The following SULF2 variants were observed in gnomAD, a reference collection of about 807,000 sequenced individuals.
SULF2 encodes the protein sulfatase 2, also known as extracellular sulfatase Sulf-2.
Under a neutral mutation model 107.7 loss-of-function variants are expected in SULF2, and 52 were observed. That is an observed-to-expected ratio of 0.48 (90% CI 0.39 to 0.61). The LOEUF is 0.61. SULF2 is among the 20% of genes least tolerant of loss of function. The pLI is 0.00. For synonymous variants in SULF2, 460 were observed against 464.3 expected (o/e 0.99, Z 0.12); for missense variants, 993 against 1,177.3 (o/e 0.84, Z 2.29).
In SULF2 at chr20:47,684,516, A is replaced by G; in HGVS notation, c.803T>C (p.Met268Thr). 4 of 1,614,096 alleles carry G rather than the reference A, an allele frequency of 2.5e-6. No individual in the cohort carries two copies. Among genetic ancestry groups the G allele is most frequent in the Non-Finnish European group, 3.4e-6 (4 of 1,179,974 alleles). ...KHWIMRYTGP[M>T]KPIHMEFTNM... ...GGTGAATTCCATGTGGATGGGCTTC[A>G]TGGGCCCCGTGTAGCGCATGATCCA... The change falls in exon 6 of 21, where the codon ATG becomes ACG. Residue 268 changes from methionine (M) to threonine (T), a missense_variant. Met to Thr is a moderately conservative substitution (Grantham distance 81). Transcript: ENST00000688720.
In SULF2 at chr20:47,736,893, C is replaced by T; in HGVS notation, c.225G>A (p.Gly75=). The T allele has an allele frequency of 6.2e-7, 1 of 1,614,246 alleles. No homozygotes were observed. Among genetic ancestry groups the T allele is most frequent in the Non-Finnish European group, 8.5e-7 (1 of 1,180,034 alleles). The change falls in exon 3 of 21, where the codon GGG becomes GGA. Residue 75 remains glycine (G), a synonymous_variant. Coordinates refer to ENST00000688720, the MANE Select transcript of SULF2 (RefSeq NM_001387048.1). Reference sequence around the variant, plus strand: ...TCACGAAGGCGTTGATGAAGTGCGCCCCGCCCTGCTCCATGATGCGCCGGG... The same window carrying T: ...TCACGAAGGCGTTGATGAAGTGCGCTCCGCCCTGCTCCATGATGCGCCGGG... ...NKTRRIMEQG[G]AHFINAFVTT...
chr20:47,740,643 A>AAGC (rs2089855702), intron 2 of SULF2, among the ~76,000 whole-genome samples: 1 of 151,798 alleles, frequency 6.6e-6, no homozygotes, highest in African/African-American at 2.4e-5. Context: ...AATCCTCTTA[A>AAGC]AACAACAACA....
At chr20:47,752,566 A>T (rs1350056937) in intron 2 of SULF2, among the ~76,000 whole-genome samples, 1 of 6,898 alleles carries the variant, frequency 1.4e-4, no homozygotes, top group African/African-American at 4.2e-4. Flanking sequence ...GCCCATCTCT[A>T]AAAAAAAAAA....
chr20:47,753,903 T>C (rs1257829244), intron 2 of SULF2, among the ~76,000 whole-genome samples: 2 of 152,218 alleles, frequency 1.3e-5, no homozygotes, highest in Non-Finnish European at 2.9e-5. Context: ...TTCCCTCTTA[T>C]TCTTTTGGAG....
At chr20:47,692,683 C>A (rs1312041175) in intron 4 of SULF2, among the ~76,000 whole-genome samples, 3 of 152,206 alleles carry the variant, frequency 2.0e-5, no homozygotes, top group Non-Finnish European at 2.9e-5. Context: ...AGTGGCCGCC[C>A]AGGCTGATCT....
intron 2 of SULF2, among the ~76,000 whole-genome samples, chr20:47,745,602 C>T (rs1390873241): frequency 6.6e-6 from 1 of 151,682 alleles, no homozygotes; most frequent in Admixed American, 6.6e-5. Flanking sequence ...CATCTCGGTT[C>T]ATTGCAACCT....
intron 5 of SULF2, 52 bp from the exon 6 acceptor site, chr20:47,684,633 T>TGCCTGGCCCCC: frequency 6.3e-7 from 1 of 1,582,976 alleles, no homozygotes; most frequent in South Asian, 1.1e-5. Flanking sequence ...GCCTGGACCC[T>TGCCTGGCCCCC]GCCTGGCCCC....
At chr20:47,748,318 T>C (rs2090090308) in intron 2 of SULF2, among the ~76,000 whole-genome samples, 1 of 152,204 alleles carries the variant, frequency 6.6e-6, no homozygotes, top group African/African-American at 2.4e-5. Flanking sequence ...GGTTTCCACA[T>C]GAATGTCTCC....
intron 1 of SULF2, among the ~76,000 whole-genome samples, chr20:47,758,607 G>A (rs71351692): frequency 1.3e-5 from 2 of 152,148 alleles, no homozygotes; most frequent in African/African-American, 2.4e-5. Flanking sequence ...GGTCACCAGC[G>A]AAGGTGGGTG....
chr20:47,659,644 G>C, intron 19 of SULF2, 53 bp downstream of exon 19: 1 of 1,520,822 alleles, frequency 6.6e-7, no homozygotes, highest in East Asian at 2.2e-5. Context: ...GAGACTGAAG[G>C]ATGGGCCAAG....
At chr20:47,718,042 C>A (rs1420557626) in intron 3 of SULF2, among the ~76,000 whole-genome samples, 1 of 152,128 alleles carries the variant, frequency 6.6e-6, no homozygotes, top group Non-Finnish European at 1.5e-5. Context: ...TGGTCTTGAT[C>A]TCCTGACCTC....
intron 13 of SULF2, 84 bp from the exon 14 acceptor site, chr20:47,665,377 C>T (rs6125067): frequency 0.01 from 9,588 of 913,556 alleles, 370 homozygotes; most frequent in African/African-American, 0.089. Context: ...CCCACGCTGC[C>T]GTGTCTGTGC....
chr20:47,752,645 G>A (rs56008661), intron 2 of SULF2, among the ~76,000 whole-genome samples: 9,366 of 151,854 alleles, frequency 0.062, 306 homozygotes, highest in African/African-American at 0.08. Context: ...CAGCTACTTC[G>A]GGGGCTGGGG....
rs2088358989 is a variant in SULF2 at position 47,695,869 on chromosome 20, TCCCAA to T, written c.568-5579_568-5575del. On this transcript the variant is annotated intron_variant, in intron 4 of 20. Transcript: ENST00000688720. ...CTCAAGTGATCCGCCTGGTTTGGCC[TCCCAA>T]AGTGCTGGGATTACAGGCATGAACC... Among the ~76,000 whole-genome samples, 7 of 152,370 alleles carry T rather than the reference TCCCAA, an allele frequency of 4.6e-5. No homozygotes were observed. In the South Asian group the frequency reaches 1.4e-3, roughly 32 times the overall value.
chr20:47,665,383 T>C (rs915118596), intron 13 of SULF2, 90 bp from the exon 14 acceptor site: 2 of 891,862 alleles, frequency 2.2e-6, no homozygotes, highest in Admixed American at 1.8e-5. Flanking sequence ...CTGCCGTGTC[T>C]GTGCTCAGCA....
chr20:47,762,127 C>G (rs1264139177), intron 1 of SULF2, among the ~76,000 whole-genome samples: 1 of 152,238 alleles, frequency 6.6e-6, no homozygotes, highest in Non-Finnish European at 1.5e-5. Context: ...TCGGGTATGT[C>G]TTTATCAGCA....
intron 1 of SULF2, among the ~76,000 whole-genome samples, chr20:47,770,576 C>T (rs769698619): frequency 6.6e-6 from 1 of 152,194 alleles, no homozygotes; most frequent in Non-Finnish European, 1.5e-5. Flanking sequence ...TACTGTGTAA[C>T]AATTTACCGC....
intron 4 of SULF2, among the ~76,000 whole-genome samples, chr20:47,699,568 T>C (rs1302423529): frequency 3.9e-5 from 6 of 152,002 alleles, no homozygotes; most frequent in African/African-American, 1.2e-4. Context: ...TCACGTAATA[T>C]GTGTCAAGGT....
intron 3 of SULF2, among the ~76,000 whole-genome samples, chr20:47,711,284 G>C (rs1328989918): frequency 1.3e-5 from 2 of 152,210 alleles, no homozygotes; most frequent in Admixed American, 6.5e-5. Flanking sequence ...AGACTGTCTG[G>C]GTTTGAATCC....
Sources: gnomAD v4.1 joint callset for allele counts (sites outside exome capture counted in the v4.1 genomes callset) on GRCh38, gnomAD v4.1.1 for gene constraint, MANE v1.5 for transcripts, NCBI Gene and HGNC (gene_info 2026-07-23, HGNC 2026-07-21) for gene names.